GPHN: variants seen among roughly 807,000 people sequenced by gnomAD.
GPHN encodes gephyrin.
GPHN carries 17 observed loss-of-function variants against 95.5 expected under a neutral mutation model. That is an observed-to-expected ratio of 0.18 (90% CI 0.12 to 0.27). GPHN has a LOEUF of 0.27. GPHN is among the 10% of genes least tolerant of loss of function. The pLI, the probability that GPHN is intolerant of heterozygous loss-of-function variation, is 1.00. For synonymous variants in GPHN, 320 were observed against 322.5 expected (o/e 0.99, Z 0.08); for missense variants, 660 against 978.1 (o/e 0.67, Z 4.34).
chr14:67,260,244 C>G, the GPHN span, among the ~76,000 whole-genome samples: 2 of 152,184 alleles, frequency 1.3e-5, no homozygotes, highest in African/African-American at 4.8e-5. Context: ...CCATACCACC[C>G]TGACTGTGCC....
the GPHN span, among the ~76,000 whole-genome samples, chr14:67,300,336 C>CTTTTTTTTTTT: frequency 1.4e-4 from 19 of 139,094 alleles, no homozygotes; most frequent in Non-Finnish European, 2.3e-4. Flanking sequence ...TATGAATTAC[C>CTTTTTTTTTTT]TTTTTTTTTT....
intron 3 of GPHN, among the ~76,000 whole-genome samples, chr14:66,810,055 GT>G (rs1193137512): frequency 6.6e-6 from 1 of 151,910 alleles, no homozygotes; most frequent in Non-Finnish European, 1.5e-5. Context: ...ATAGATCAGT[GT>G]TATATTGTTC....
At chr14:66,596,462 G>T (rs958956785) in intron 1 of GPHN, among the ~76,000 whole-genome samples, 19 of 152,140 alleles carry the variant, frequency 1.2e-4, no homozygotes, top group African/African-American at 4.6e-4. Context: ...TTGCCTGCAG[G>T]CCTGCATCAA....
At chr14:67,313,087 C>T in the GPHN span, among the ~76,000 whole-genome samples, 1 of 152,118 alleles carries the variant, frequency 6.6e-6, no homozygotes, top group Non-Finnish European at 1.5e-5. Flanking sequence ...TATAAGGAGT[C>T]AGGAAAAGTA....
the GPHN span, among the ~76,000 whole-genome samples, chr14:67,220,656 A>G: frequency 6.6e-6 from 1 of 152,202 alleles, no homozygotes; most frequent in Non-Finnish European, 1.5e-5. Context: ...CAGTAGTCCT[A>G]CCATGGCTCT....
the GPHN span, chr14:67,189,566 G>A: frequency 1.3e-5 from 2 of 152,274 alleles, no homozygotes; most frequent in East Asian, 3.9e-4. Context: ...AGCCCCACCT[G>A]TTGGTAAGTG....
intron 9 of GPHN, among the ~76,000 whole-genome samples, chr14:67,001,157 GAT>G (rs1263774790): frequency 6.6e-6 from 1 of 151,540 alleles, no homozygotes; most frequent in Non-Finnish European, 1.5e-5. Context: ...AGAGAAAGGA[GAT>G]ATGTATATCC....
chr14:67,144,250 A>AAATATATATATATATAT (rs1168342196), intron 18 of GPHN, among the ~76,000 whole-genome samples: 2 of 57,770 alleles, frequency 3.5e-5, no homozygotes, highest in Non-Finnish European at 5.7e-5. Context: ...AAAAAAAAAA[A>AAATATATATATATATAT]ATATATATAT....
intron 13 of GPHN, among the ~76,000 whole-genome samples, chr14:67,105,576 A>G (rs2077988715): frequency 6.6e-6 from 1 of 152,122 alleles, no homozygotes; most frequent in Non-Finnish European, 1.5e-5. Flanking sequence ...CTTTATAATT[A>G]TAGAATGACC....
chr14:67,007,000 C>G (rs1272070584), intron 9 of GPHN, among the ~76,000 whole-genome samples: 1 of 152,200 alleles, frequency 6.6e-6, no homozygotes, highest in East Asian at 1.9e-4. Flanking sequence ...ATGACAATTC[C>G]AAACTGTTTT....
At chr14:67,009,499 T>C (rs1420304340) in intron 9 of GPHN, among the ~76,000 whole-genome samples, 1 of 152,092 alleles carries the variant, frequency 6.6e-6, no homozygotes, top group Non-Finnish European at 1.5e-5. Flanking sequence ...AACATAACGT[T>C]AATGGGTCTA....
At chr14:67,559,028 T>A in the GPHN span, among the ~76,000 whole-genome samples, 60 of 152,318 alleles carry the variant, frequency 3.9e-4, no homozygotes, top group African/African-American at 1.3e-3. Context: ...ACCTTTAAGG[T>A]CCTTCCAGCT....
At chr14:66,788,662 T>C (rs2059868765) in intron 3 of GPHN, among the ~76,000 whole-genome samples, 1 of 152,172 alleles carries the variant, frequency 6.6e-6, no homozygotes, top group South Asian at 2.1e-4. Context: ...TTTGTTTTTG[T>C]TTATGTTTTT....
At chr14:67,482,339 GC>G in the GPHN span, among the ~76,000 whole-genome samples, 1 of 152,204 alleles carries the variant, frequency 6.6e-6, no homozygotes, top group African/African-American at 2.4e-5. Flanking sequence ...TGGAATAACT[GC>G]CCTTGGTTTT....
the GPHN span, among the ~76,000 whole-genome samples, chr14:67,436,257 G>T: frequency 6.6e-6 from 1 of 152,220 alleles, no homozygotes; most frequent in African/African-American, 2.4e-5. Flanking sequence ...AGGCCAGTAG[G>T]CGCCTGTGTG....
chr14:66,575,099 C>A (rs192702774), intron 1 of GPHN, among the ~76,000 whole-genome samples: 1 of 152,304 alleles, frequency 6.6e-6, no homozygotes, highest in East Asian at 1.9e-4. Context: ...AGAACCTTGA[C>A]TAATACAGTG....
intron 1 of GPHN, among the ~76,000 whole-genome samples, chr14:66,533,436 C>G (rs1193341808): frequency 6.6e-6 from 1 of 152,114 alleles, no homozygotes; most frequent in Non-Finnish European, 1.5e-5. Context: ...CACGTGCATA[C>G]ATGAAAGCAA....
At chr14:67,325,094 A>T in the GPHN span, among the ~76,000 whole-genome samples, 1 of 151,476 alleles carries the variant, frequency 6.6e-6, no homozygotes, top group African/African-American at 2.4e-5. Flanking sequence ...TTTAGTAGAG[A>T]CAGGATTTCA....
At chr14:67,358,729 C>A in the GPHN span, among the ~76,000 whole-genome samples, 1 of 152,092 alleles carries the variant, frequency 6.6e-6, no homozygotes, top group Non-Finnish European at 1.5e-5. Flanking sequence ...TAAAAATAAA[C>A]AGGATGAGGA....
Sources: allele counts gnomAD v4.1 joint callset (sites outside exome capture counted in the v4.1 genomes callset), GRCh38; gene constraint gnomAD v4.1.1; transcripts MANE v1.5; gene names NCBI Gene and HGNC (gene_info 2026-07-23, HGNC 2026-07-21).